The following SEL1L3 variants were observed in gnomAD, a reference collection of about 807,000 sequenced individuals.
The protein encoded by SEL1L3 is SEL1L family member 3.
Under a neutral mutation model 142.8 loss-of-function variants are expected in SEL1L3, and 76 were observed. The observed-to-expected ratio is 0.53, with a 90% CI of 0.44 to 0.64. The LOEUF (loss-of-function observed/expected upper bound fraction) is 0.64, where lower values mean the gene tolerates loss of function less well. Among genes scored for constraint, SEL1L3 ranks in the 30% least tolerant of loss-of-function variants. SEL1L3 has a pLI of 0.00. For synonymous variants in SEL1L3, 504 were observed against 519.6 expected, an observed-to-expected ratio of 0.97 and a Z score of 0.41; for missense variants, 1,262 against 1,381.7, an observed-to-expected ratio of 0.91 and a Z score of 1.37.
upstream of SEL1L3, chr4:25,863,508 G>GC (rs747468629): frequency 1.4e-6 from 1 of 702,636 alleles, no homozygotes. Flanking sequence ...TGGCCGGGGC[G>GC]CCATTCCCGC....
At chr4:25,818,117 C>G (rs1206112650) in intron 9 of SEL1L3, 21 bp downstream of exon 9, 2 of 1,607,940 alleles carry the variant, frequency 1.2e-6, no homozygotes. Context: ...GCGCCTAAAG[C>G]CGAGGCAAAG....
At chr4:25,733,010 T>A in the SEL1L3 span, among the ~76,000 whole-genome samples, 1 of 151,996 alleles carries the variant, frequency 6.6e-6, no homozygotes, top group Admixed American at 6.6e-5. Context: ...CCTCCCAAAG[T>A]GCTGGGATTA....
chr4:25,750,774 A>G (rs2109108812), intron 23 of SEL1L3, among the ~76,000 whole-genome samples: 1 of 152,360 alleles, frequency 6.6e-6, no homozygotes, highest in South Asian at 2.1e-4. Flanking sequence ...GGAAATGTAG[A>G]TGACAGGAAA....
chr4:25,823,799 G>A (rs895859281), intron 6 of SEL1L3, among the ~76,000 whole-genome samples: 21 of 152,132 alleles, frequency 1.4e-4, no homozygotes, highest in Non-Finnish European at 2.2e-4. Flanking sequence ...CCGGAGTGAC[G>A]ATGGATGGGG....
At chr4:25,833,638 A>G in intron 3 of SEL1L3, 69 bp from the exon 4 acceptor site, 1 of 1,374,242 alleles carries the variant, frequency 7.3e-7, no homozygotes, top group South Asian at 1.4e-5. Flanking sequence ...TATGGTTAAC[A>G]ATGACCAAGT....
At chr4:25,756,749 C>T (rs1717988165) in intron 23 of SEL1L3, 1 of 1,134,924 alleles carries the variant, frequency 8.8e-7, no homozygotes, top group Non-Finnish European at 1.1e-6. Context: ...ACGATTCCTG[C>T]TCAGTCCCTC....
chr4:25,760,442 T>C (rs1345279771), intron 20 of SEL1L3, among the ~76,000 whole-genome samples: 1 of 152,216 alleles, frequency 6.6e-6, no homozygotes, highest in African/African-American at 2.4e-5. Flanking sequence ...TACCCAGTAA[T>C]GAGATTGCTG....
the SEL1L3 span, among the ~76,000 whole-genome samples, chr4:25,737,715 T>C: frequency 6.6e-6 from 1 of 152,200 alleles, no homozygotes; most frequent in Non-Finnish European, 1.5e-5. Context: ...AAGTCCCTGA[T>C]ATAAAATGAC....
Position 25,847,504 on chromosome 4 carries a change from C to T in SEL1L3, c.523G>A (p.Ala175Thr), listed in dbSNP as rs756316665. The change falls in exon 2 of 24, where the codon GCC becomes ACC. Residue 175 changes from alanine (A) to threonine (T), a missense_variant. Transcript: ENST00000399878. Reference protein sequence around the residue: ...SISVSAVIVRAWITHKYSGRD... With the variant: ...SISVSAVIVRTWITHKYSGRD... Reference sequence around the variant, plus strand: ...CCACTGTATTTGTGAGTAATCCAGGCGCGTACTATCACTGCAGATACAGAG... The same window carrying T: ...CCACTGTATTTGTGAGTAATCCAGGTGCGTACTATCACTGCAGATACAGAG... The T allele has an allele frequency of 1.5e-5, 25 of 1,613,756 alleles. 1 individual carries two copies. Among genetic ancestry groups the T allele is most frequent in the South Asian group, 8.8e-5 (8 of 91,070 alleles).
intron 11 of SEL1L3, among the ~76,000 whole-genome samples, chr4:25,791,370 T>C (rs1712323784): frequency 6.6e-6 from 1 of 152,258 alleles, no homozygotes; most frequent in Non-Finnish European, 1.5e-5. Context: ...GTTTAGAATT[T>C]GCACACAGCC....
intron 14 of SEL1L3, among the ~76,000 whole-genome samples, chr4:25,782,870 T>C (rs980492964): frequency 2.0e-5 from 3 of 152,130 alleles, no homozygotes; most frequent in Non-Finnish European, 4.4e-5. Context: ...ACGCACTCTA[T>C]GGCAAGCAGC....
intron 10 of SEL1L3, among the ~76,000 whole-genome samples, chr4:25,804,256 G>C (rs1713395636): frequency 6.6e-6 from 1 of 152,144 alleles, no homozygotes; most frequent in Non-Finnish European, 1.5e-5. Context: ...AGGAGCACCT[G>C]TTCTTGAAGA....
chr4:25,762,974 CAAAAAA>C (rs34744540), intron 20 of SEL1L3, among the ~76,000 whole-genome samples: 1 of 112,926 alleles, frequency 8.9e-6, no homozygotes, highest in East Asian at 2.6e-4. Flanking sequence ...GACTCTGTGT[CAAAAAA>C]AAAAAAAAAA....
chr4:25,801,007 C>T (rs1270830726), intron 11 of SEL1L3, among the ~76,000 whole-genome samples: 1 of 152,232 alleles, frequency 6.6e-6, no homozygotes, highest in Non-Finnish European at 1.5e-5. Flanking sequence ...GAGCTGGGAA[C>T]CAGGGGTCTG....
chr4:25,782,006 G>A (rs1001881334), intron 15 of SEL1L3, among the ~76,000 whole-genome samples: 4 of 152,162 alleles, frequency 2.6e-5, no homozygotes, highest in African/African-American at 9.7e-5. Context: ...GGCTGCTTTG[G>A]CTTTCACTGT....
chr4:25,819,754 T>C, intron 8 of SEL1L3, 54 bp downstream of exon 8: 1 of 1,541,066 alleles, frequency 6.5e-7, no homozygotes, highest in Non-Finnish European at 8.8e-7. Flanking sequence ...GCCAAACATG[T>C]GTTTATGTAA....
downstream of SEL1L3, among the ~76,000 whole-genome samples, chr4:25,744,786 A>T (rs1717212615): frequency 6.6e-6 from 1 of 152,214 alleles, no homozygotes; most frequent in African/African-American, 2.4e-5. Flanking sequence ...ATGAGAAAAG[A>T]CTAAGACACA....
At chr4:25,852,552 C>T (rs1436115511) in intron 1 of SEL1L3, among the ~76,000 whole-genome samples, 3 of 152,228 alleles carry the variant, frequency 2.0e-5, no homozygotes, top group Non-Finnish European at 4.4e-5. Context: ...CTGGTGCTGG[C>T]GGAAGCCGAA....
intron 16 of SEL1L3, among the ~76,000 whole-genome samples, chr4:25,778,235 GGAAAGTAAATACCCATAATGAT>G (rs996210629): frequency 1.3e-5 from 2 of 152,078 alleles, no homozygotes; most frequent in Non-Finnish European, 2.9e-5. Context: ...ACAGATGGAG[GGAAAGTAAATACCCATAATGAT>G]GACAGTTAAT....
Sources: gnomAD v4.1 joint callset for allele counts (sites outside exome capture counted in the v4.1 genomes callset) on GRCh38, gnomAD v4.1.1 for gene constraint, MANE v1.5 for transcripts, NCBI Gene and HGNC (gene_info 2026-07-23, HGNC 2026-07-21) for gene names.